ALPK1: variants seen among roughly 807,000 people sequenced by gnomAD.
ALPK1 encodes the protein alpha kinase 1.
ALPK1 carries 110 observed loss-of-function variants against 120.6 expected under a neutral mutation model. The ratio of observed to expected loss-of-function variants is 0.91; its 90% CI spans 0.78 to 1.07. The LOEUF (loss-of-function observed/expected upper bound fraction) is 1.07. ALPK1 is among the 50% of genes least tolerant of loss of function. ALPK1 has a pLI of 0.00. For missense variants in ALPK1, 1,498 were observed against 1,483.9 expected (o/e 1.01, Z -0.16); for synonymous variants, 582 against 560.3 (o/e 1.04, Z -0.55).
intron 4 of ALPK1, among the ~76,000 whole-genome samples, chr4:112,403,022 T>C (rs1199199625): frequency 6.6e-6 from 1 of 151,832 alleles, no homozygotes; most frequent in Non-Finnish European, 1.5e-5. Context: ...AGGGTTTTTG[T>C]GTTGTTTTCT....
chr4:112,364,943 T>TA (rs1312293460), intron 2 of ALPK1, among the ~76,000 whole-genome samples: 2 of 151,838 alleles, frequency 1.3e-5, no homozygotes. Context: ...TAAACAGAAC[T>TA]AAAAACAAAA....
At chr4:112,355,270 A>G (rs1730549115) in intron 2 of ALPK1, among the ~76,000 whole-genome samples, 1 of 152,180 alleles carries the variant, frequency 6.6e-6, no homozygotes, top group Admixed American at 6.5e-5. Context: ...GGGTTGTTGA[A>G]CGATTTGTAA....
Position 112,326,882 on chromosome 4 carries a change from A to G in ALPK1, c.-101+11030A>G, listed in dbSNP as rs28418345. 5.3e-3 allele frequency among the ~76,000 whole-genome samples: 806 copies of G among 152,292 alleles called. 6 individuals carry two copies. Among genetic ancestry groups the G allele is most frequent in the African/African-American group, 0.018 (744 of 41,556 alleles). ...GCATTTGCCAAGTTAAGCTCCAGGA[A>G]GAGGAAGAGTGGGTTACAGTTTCAC... On this transcript the variant is annotated intron_variant, in intron 2 of 15. Coordinates refer to ENST00000650871, the MANE Select transcript of ALPK1 (RefSeq NM_025144.4).
intron 4 of ALPK1, among the ~76,000 whole-genome samples, chr4:112,398,464 T>TA (rs1180483119): frequency 1.3e-5 from 2 of 151,816 alleles, no homozygotes; most frequent in Non-Finnish European, 1.5e-5. Flanking sequence ...GGCTAATTTT[T>TA]TAAAAAAATA....
At chr4:112,380,524 A>T (rs921649322) in intron 3 of ALPK1, among the ~76,000 whole-genome samples, 7 of 152,194 alleles carry the variant, frequency 4.6e-5, no homozygotes, top group African/African-American at 1.4e-4. Flanking sequence ...CTTCCCCACC[A>T]GAAAACTTCC....
chr4:112,375,525 C>A (rs1008994564), intron 2 of ALPK1, among the ~76,000 whole-genome samples: 2 of 152,214 alleles, frequency 1.3e-5, no homozygotes, highest in Non-Finnish European at 2.9e-5. Context: ...CTAACCTCTT[C>A]TAGCTTCCAA....
At chr4:112,373,201 G>A (rs1273632247) in intron 2 of ALPK1, among the ~76,000 whole-genome samples, 1 of 152,224 alleles carries the variant, frequency 6.6e-6, no homozygotes, top group Non-Finnish European at 1.5e-5. Flanking sequence ...TGATGGGAAT[G>A]AGATATCATT....
intron 1 of ALPK1, among the ~76,000 whole-genome samples, chr4:112,304,018 C>A (rs1018093556): frequency 6.6e-6 from 1 of 151,886 alleles, no homozygotes; most frequent in Non-Finnish European, 1.5e-5. Context: ...TTTGTCCTTG[C>A]GATAGTTTGC....
chr4:112,418,709 G>A (rs1264289384), intron 5 of ALPK1, among the ~76,000 whole-genome samples: 1 of 149,320 alleles, frequency 6.7e-6, no homozygotes, highest in Non-Finnish European at 1.5e-5. Flanking sequence ...AGGTATTGAA[G>A]GGTGGATTGG....
At chr4:112,411,422 A>C (rs1733453659) in intron 4 of ALPK1, among the ~76,000 whole-genome samples, 1 of 152,046 alleles carries the variant, frequency 6.6e-6, no homozygotes, top group Admixed American at 6.6e-5. Context: ...ATGGGGTTTC[A>C]CCATGTTGGC....
chr4:112,343,788 C>T (rs1409350582), intron 2 of ALPK1, among the ~76,000 whole-genome samples: 2 of 147,464 alleles, frequency 1.4e-5, no homozygotes, highest in African/African-American at 2.5e-5. Context: ...GCTGAGACCA[C>T]CAGAATTTGG....
In ALPK1 at chr4:112,430,641, A is replaced by G. The variant is rs1391817469; in HGVS notation, c.1094A>G (p.His365Arg). 2 of 1,614,152 alleles carry G rather than the reference A, an allele frequency of 1.2e-6. No homozygotes were observed. The highest frequency in any genetic ancestry group is 1.7e-6 in the Non-Finnish European group (2 of 1,180,020). The change falls in exon 11 of 16, where the codon CAC (histidine) becomes CGC (arginine). Residue 365 changes from histidine to arginine, a missense_variant. His to Arg is a conservative substitution (Grantham distance 29, BLOSUM62 0). Transcript: ENST00000650871. The part of the protein sequence containing the change: ...VKAAFGLTTV[H>R]RRLHGETGTV... ...GCTGCTTTCGGTCTCACCACAGTGC[A>G]CAGAAGGCTCCATGGGGAGACAGGG...
Position 112,355,388 on chromosome 4 carries a change from C to CGAGCAGAAGCTGGACCGAGCGGGAGAG in ALPK1, c.-100-22287_-100-22261dup, listed in dbSNP as rs1578493116. Among the ~76,000 whole-genome samples, 4 of 152,230 alleles carry CGAGCAGAAGCTGGACCGAGCGGGAGAG rather than the reference C, an allele frequency of 2.6e-5. No individual in the cohort carries two copies. In the East Asian group the frequency reaches 7.8e-4, roughly 30 times the overall value. Reference sequence around the variant, plus strand: ...CGGGCCAGTGGGGGAGACAGCGACACGAGCAGAAGCTGGACCGAGCGGGAG... The same window carrying CGAGCAGAAGCTGGACCGAGCGGGAGAG: ...CGGGCCAGTGGGGGAGACAGCGACACGAGCAGAAGCTGGACCGAGCGGGAGAGGAGCAGAAGCTGGACCGAGCGGGAG... On this transcript the variant is annotated intron_variant, in intron 2 of 15. Transcript: ENST00000650871.
Position 112,430,731 on chromosome 4 carries a change from C to A in ALPK1, c.1184C>A (p.Ser395Tyr). The change falls in exon 11 of 16, where the codon TCC (serine) becomes TAC (tyrosine). Residue 395 changes from serine (S) to tyrosine (Y), a missense_variant. By Grantham distance (144) the Ser-to-Tyr change is moderately radical. Coordinates refer to ENST00000650871, the MANE Select transcript of ALPK1 (RefSeq NM_025144.4). ...GGGAAGCTGTACAATTTCAGCACTTCCTCCAGAAGTCAGGACAGAGAAGCT... is the reference window on the plus strand; with the variant it reads ...GGGAAGCTGTACAATTTCAGCACTTACTCCAGAAGTCAGGACAGAGAAGCT... ...AMGKLYNFST[S>Y]SRSQDREALS... 1 of 1,614,184 alleles carries A rather than the reference C, an allele frequency of 6.2e-7. No homozygotes were observed. Among genetic ancestry groups the A allele is most frequent in the South Asian group, 1.1e-5 (1 of 91,084 alleles).
chr4:112,376,072 G>A (rs1210567880), intron 2 of ALPK1, among the ~76,000 whole-genome samples: 1 of 152,156 alleles, frequency 6.6e-6, no homozygotes, highest in African/African-American at 2.4e-5. Flanking sequence ...CAGACAGTTT[G>A]TGGTGCCCCA....
At chr4:112,321,737 A>G (rs78642377) in intron 2 of ALPK1, among the ~76,000 whole-genome samples, 2 of 152,238 alleles carry the variant, frequency 1.3e-5, no homozygotes, top group African/African-American at 4.8e-5. Flanking sequence ...ACAAAATTCA[A>G]AAAGATTAAT....
chr4:112,427,721 G>A (rs1734301811), intron 9 of ALPK1, 56 bp downstream of exon 9: 1 of 1,321,280 alleles, frequency 7.6e-7, no homozygotes, highest in Non-Finnish European at 1.1e-6. Context: ...CGTGTCCTTG[G>A]TGGTTGGTTA....
intron 4 of ALPK1, among the ~76,000 whole-genome samples, chr4:112,404,499 G>C (rs1030717671): frequency 6.6e-6 from 1 of 152,196 alleles, no homozygotes; most frequent in African/African-American, 2.4e-5. Context: ...TGGCAAATAA[G>C]TGCTAGAGCT....
At chr4:112,419,496 A>G (rs1306148070) in intron 5 of ALPK1, among the ~76,000 whole-genome samples, 1 of 152,066 alleles carries the variant, frequency 6.6e-6, no homozygotes, top group Non-Finnish European at 1.5e-5. Context: ...AGGGAAGAAA[A>G]GAGGAAGAAA....
Sources: gnomAD v4.1 joint callset for allele counts (sites outside exome capture counted in the v4.1 genomes callset) on GRCh38, gnomAD v4.1.1 for gene constraint, MANE v1.5 for transcripts, NCBI Gene and HGNC (gene_info 2026-07-23, HGNC 2026-07-21) for gene names.